SETD2: variants seen among roughly 807,000 people sequenced by gnomAD.
The protein encoded by SETD2 is histone-lysine N-methyltransferase SETD2.
SETD2 carries 31 observed loss-of-function variants against 242.1 expected under a neutral mutation model. The ratio of observed to expected loss-of-function variants is 0.13; its 90% CI spans 0.10 to 0.17. The LOEUF is 0.17. Ranked by LOEUF, SETD2 falls within the 10% of genes least tolerant of loss-of-function variation. SETD2 has a pLI of 1.00. For synonymous variants in SETD2, 1,006 were observed against 1,066.5 expected (o/e 0.94, Z 1.11); for missense variants, 2,481 against 3,046.3 (o/e 0.81, Z 4.37).
At chr3:47,020,688 G>A (rs537733936) in intron 18 of SETD2, among the ~76,000 whole-genome samples, 4 of 152,300 alleles carry the variant, frequency 2.6e-5, no homozygotes, top group African/African-American at 7.2e-5. Context: ...TAATAATTAT[G>A]AGCATTCCCC....
At chr3:47,087,055 T>C (rs1236109222) in intron 10 of SETD2, among the ~76,000 whole-genome samples, 1 of 151,730 alleles carries the variant, frequency 6.6e-6, no homozygotes, top group Non-Finnish European at 1.5e-5. Context: ...AAAAAATCAT[T>C]TTGTGTTATC....
intron 18 of SETD2, among the ~76,000 whole-genome samples, chr3:47,032,849 T>C (rs2038834610): frequency 6.6e-6 from 1 of 151,418 alleles, no homozygotes; most frequent in Admixed American, 6.6e-5. Flanking sequence ...GAGGCAGAAG[T>C]TGCAATGAGC....
chr3:47,125,626 T>C (rs964834068), intron 2 of SETD2, among the ~76,000 whole-genome samples: 7 of 152,196 alleles, frequency 4.6e-5, no homozygotes, highest in African/African-American at 1.7e-4. Context: ...TACTCTGCCT[T>C]GGCACATATC....
intron 1 of SETD2, among the ~76,000 whole-genome samples, chr3:47,136,452 A>C (rs2106776851): frequency 6.6e-6 from 1 of 152,308 alleles, no homozygotes; most frequent in Non-Finnish European, 1.5e-5. Flanking sequence ...CATCTCACAC[A>C]GCCATAAAAA....
At chr3:47,075,855 G>A (rs1054870660) in intron 12 of SETD2, among the ~76,000 whole-genome samples, 2 of 152,126 alleles carry the variant, frequency 1.3e-5, no homozygotes, top group Non-Finnish European at 2.9e-5. Context: ...AATATTTTCT[G>A]ACCATCTATC....
chr3:47,045,320 C>A lies in SETD2; in HGVS notation c.7098+1167G>T, dbSNP rs541309198. 3.3e-5 allele frequency among the ~76,000 whole-genome samples: 5 copies of A among 152,082 alleles called. No individual in the cohort carries two copies. In the South Asian group the frequency reaches 1.0e-3, roughly 32 times the overall value. ...AGATCACGAGGTCAGGAGATTGAGA[C>A]CATCGTGGCTAACACAGCGAAACCC... On this transcript the variant is annotated intron_variant, in intron 16 of 20. Transcript: ENST00000409792.
At chr3:47,105,410 TAAA>T (rs11391574) in intron 6 of SETD2, among the ~76,000 whole-genome samples, 1 of 122,650 alleles carries the variant, frequency 8.2e-6, no homozygotes, top group Admixed American at 8.5e-5. Flanking sequence ...ACACTATCTC[TAAA>T]AAAAAAAAAA....
intron 9 of SETD2, among the ~76,000 whole-genome samples, chr3:47,094,017 T>C (rs1346012426): frequency 2.6e-5 from 4 of 152,212 alleles, no homozygotes; most frequent in Admixed American, 6.5e-5. Context: ...AGGATACTAG[T>C]TACACTCATT....
At chr3:47,108,440 G>A (rs1169445844) in intron 5 of SETD2, among the ~76,000 whole-genome samples, 3 of 152,114 alleles carry the variant, frequency 2.0e-5, no homozygotes, top group Admixed American at 6.5e-5. Flanking sequence ...GGATAATGTA[G>A]GTGATCTATC....
intron 13 of SETD2, among the ~76,000 whole-genome samples, chr3:47,066,292 T>C (rs188775590): frequency 6.6e-6 from 1 of 152,354 alleles, no homozygotes; most frequent in Admixed American, 6.5e-5. Flanking sequence ...ACAGGGTATC[T>C]GTATCTCCTA....
Position 47,130,346 on chromosome 3 carries a change from G to A in SETD2, c.72-3683C>T, listed in dbSNP as rs1382163574. 2.6e-5 allele frequency among the ~76,000 whole-genome samples: 4 copies of A among 152,282 alleles called. No homozygotes were observed. The East Asian group carries it at 5.8e-4, about 22-fold the overall frequency. On this transcript the variant is annotated intron_variant, in intron 1 of 20. Transcript: ENST00000409792. ...GGAAACCAGGAAGAGAGGTAGAAGG[G>A]TCAATAAGGTGGAAGAACTGGAAAT... is the stretch of plus-strand genomic sequence containing the variant.
At chr3:47,065,033 T>C (rs562977935) in intron 13 of SETD2, among the ~76,000 whole-genome samples, 145 of 152,176 alleles carry the variant, frequency 9.5e-4, no homozygotes, top group Admixed American at 2.6e-3. Context: ...AGACTAGATA[T>C]TTACAAAATA....
At chr3:47,043,058 CAA>C (rs2039358701) in intron 16 of SETD2, among the ~76,000 whole-genome samples, 1 of 146,234 alleles carries the variant, frequency 6.8e-6, no homozygotes, top group South Asian at 2.2e-4. Context: ...AAAGAAAAAC[CAA>C]AAAACCCCCT....
intron 1 of SETD2, among the ~76,000 whole-genome samples, chr3:47,153,706 T>C (rs2044053712): frequency 6.6e-6 from 1 of 150,884 alleles, no homozygotes; most frequent in African/African-American, 2.4e-5. Context: ...TGAACTGGGA[T>C]CATACCACTG....
intron 12 of SETD2, among the ~76,000 whole-genome samples, chr3:47,083,386 A>G (rs1269938210): frequency 6.6e-6 from 1 of 152,220 alleles, no homozygotes; most frequent in Non-Finnish European, 1.5e-5. Flanking sequence ...ATAAATTTAA[A>G]CACTAATTTT....
intron 16 of SETD2, among the ~76,000 whole-genome samples, chr3:47,043,108 A>C (rs2039361357): frequency 2.0e-5 from 3 of 152,106 alleles, no homozygotes; most frequent in Admixed American, 2.0e-4. Context: ...ATTATCCATT[A>C]TATTTTTTCC....
chr3:47,042,609 G>A lies in SETD2; in HGVS notation c.7190C>T (p.Thr2397Ile), dbSNP rs2107539548. ...KTIVLPPNWKTARDPEGKIYY... is the reference protein window; with the variant it reads ...KTIVLPPNWKIARDPEGKIYY... Reference sequence around the variant, plus strand: ...AATCTTCCCTTCTGGATCTCGAGCTGTCTTCCAGTTGGGAGGTAAGACAAT... The same window carrying A: ...AATCTTCCCTTCTGGATCTCGAGCTATCTTCCAGTTGGGAGGTAAGACAAT... Residue 2397 changes from threonine to isoleucine, a missense_variant, in exon 17 of 21, where the codon ACA becomes ATA. Physicochemically the swap from Thr to Ile is moderately conservative, Grantham distance 89 (BLOSUM62 -1). Around this residue, in one of 17 missense-constraint regions of SETD2, gnomAD observed 235 missense variants for 293.9 expected, o/e 0.80. Transcript: ENST00000409792. The A allele has an allele frequency of 6.2e-7, 1 of 1,614,036 alleles. No individual in the cohort carries two copies. The highest frequency in any genetic ancestry group is 8.5e-7 in the Non-Finnish European group (1 of 1,179,946).
chr3:47,075,564 CAAAAAAAAAAAAAAA>C (rs55635941), intron 12 of SETD2, among the ~76,000 whole-genome samples: 8 of 76,456 alleles, frequency 1.0e-4, no homozygotes, highest in Non-Finnish European at 1.8e-4. Flanking sequence ...AACTCCGTCT[CAAAAAAAAAAAAAAA>C]AAAAAAAAAG....
chr3:47,141,652 C>T (rs1181478884), intron 1 of SETD2, among the ~76,000 whole-genome samples: 2 of 152,094 alleles, frequency 1.3e-5, no homozygotes, highest in African/African-American at 4.8e-5. Flanking sequence ...AGTAAGTTTT[C>T]TTTTGTTATA....
Sources: gnomAD v4.1 joint callset for allele counts (sites outside exome capture counted in the v4.1 genomes callset) on GRCh38, gnomAD v4.1.1 for gene constraint, gnomAD v4.1.1 regional missense constraint, MANE v1.5 for transcripts, NCBI Gene and HGNC (gene_info 2026-07-23, HGNC 2026-07-21) for gene names.